FRMPD4: variants seen among roughly 807,000 people sequenced by gnomAD.
The protein encoded by FRMPD4 is FERM and PDZ domain-containing protein 4.
Under a neutral mutation model 94.1 loss-of-function variants are expected in FRMPD4, and 22 were observed. The ratio of observed to expected loss-of-function variants is 0.23; its 90% CI spans 0.17 to 0.33. The LOEUF (loss-of-function observed/expected upper bound fraction) is 0.33, where lower values mean the gene tolerates loss of function less well. FRMPD4 is among the 10% of genes least tolerant of loss of function. FRMPD4 has a pLI of 1.00. For missense variants in FRMPD4, 1,111 were observed against 1,339.9 expected, an observed-to-expected ratio of 0.83 and a Z score of 2.67; for synonymous variants, 631 against 548.6, an observed-to-expected ratio of 1.15 and a Z score of -2.10.
At chrX:12,201,707 C>T (rs1337576857) in intron 1 of FRMPD4, among the ~76,000 whole-genome samples, 1 of 111,892 alleles carries the variant, frequency 8.9e-6, no homozygotes, top group Non-Finnish European at 1.9e-5. Flanking sequence ...GGGAGAAGGA[C>T]AGTGTCTGTG....
intron 1 of FRMPD4, among the ~76,000 whole-genome samples, chrX:12,368,876 C>T (rs2056122953): frequency 9.0e-6 from 1 of 111,707 alleles, no homozygotes; most frequent in Non-Finnish European, 1.9e-5. Context: ...GAGACTCTGT[C>T]TCAACAAAAA....
intron 3 of FRMPD4, among the ~76,000 whole-genome samples, chrX:12,087,826 A>G (rs2055123540): frequency 8.9e-6 from 1 of 112,402 alleles, no homozygotes. Flanking sequence ...TACCACATAC[A>G]TATAGTTTGA....
At chrX:12,005,168 TG>T (rs1384514142) in intron 3 of FRMPD4, among the ~76,000 whole-genome samples, 1 of 110,472 alleles carries the variant, frequency 9.1e-6, no homozygotes, top group Non-Finnish European at 1.9e-5. Flanking sequence ...CAGTCTGAAG[TG>T]GGGCTTCTCA....
chrX:12,718,797 C>T lies in FRMPD4; in HGVS notation c.3964+7C>T. The T allele has an allele frequency of 9.0e-7, 1 of 1,113,024 alleles. No homozygotes were observed. Among genetic ancestry groups the T allele is most frequent in the Non-Finnish European group, 1.2e-6 (1 of 809,746 alleles). 91.7% of individuals were successfully genotyped at this position (1,113,024 alleles called of 1,213,427 possible). A position where few individuals can be genotyped will look rare whatever the true frequency, so the allele number is the denominator to read the frequency against. ...AAGATTAAGGAAACCACAGGTACAGCAATGATGGATTTAGCACTTTGTATG... is the reference window on the plus strand; with the variant it reads ...AAGATTAAGGAAACCACAGGTACAGTAATGATGGATTTAGCACTTTGTATG... On this transcript the variant is annotated splice_region_variant and intron_variant, in intron 16 of 16. Transcript: ENST00000675598.
intron 1 of FRMPD4, among the ~76,000 whole-genome samples, chrX:11,863,967 T>A (rs2053703956): frequency 8.9e-6 from 1 of 111,968 alleles, no homozygotes; most frequent in Non-Finnish European, 1.9e-5. Flanking sequence ...TTGTATGTTG[T>A]TTGCCTGTTA....
At chrX:12,502,563 T>A (rs2057933855) in intron 2 of FRMPD4, among the ~76,000 whole-genome samples, 1 of 111,515 alleles carries the variant, frequency 9.0e-6, no homozygotes, top group South Asian at 3.8e-4. Context: ...AGGTGATTGT[T>A]ACAATAACAG....
intron 1 of FRMPD4, among the ~76,000 whole-genome samples, chrX:12,385,207 C>T (rs950908513): frequency 7.1e-5 from 8 of 112,825 alleles, no homozygotes; most frequent in African/African-American, 2.6e-4. Context: ...AGACACTGGG[C>T]TAGAAGTCGG....
In FRMPD4 at chrX:11,897,212, G is replaced by A. The variant is rs767337361; in HGVS notation, c.95+19194G>A. 6.4e-5 allele frequency among the ~76,000 whole-genome samples: 7 copies of A among 108,545 alleles called. No homozygotes were observed. The South Asian group carries it at 2.8e-3, about 43-fold the overall frequency. The allele number at this position is 108,545 out of a possible 115,157, so 94.3% of individuals were successfully genotyped here. ...AGCAAAACAAGCCAGGCACAAAAGA[G>A]TACATTTAATATGATTCCATTTACA... is the stretch of plus-strand genomic sequence containing the variant. On this transcript the variant is annotated intron_variant, in intron 3 of 18. Coordinates refer to the FRMPD4 transcript ENST00000640291.
At chrX:12,439,076 T>C (rs12843028) in intron 1 of FRMPD4, among the ~76,000 whole-genome samples, 30,427 of 110,414 alleles carry the variant, frequency 0.28, 3,212 homozygotes, top group South Asian at 0.34. Context: ...GAGTTGTTCA[T>C]TGTCCAGTAT....
At chrX:11,824,772 G>A (rs940734212) in intron 1 of FRMPD4, among the ~76,000 whole-genome samples, 10 of 111,282 alleles carry the variant, frequency 9.0e-5, no homozygotes, top group Non-Finnish European at 1.9e-5. Context: ...TTGAAAGCCA[G>A]AGGTGGAGTG....
At chrX:12,543,166 G>A (rs1337654608) in intron 2 of FRMPD4, among the ~76,000 whole-genome samples, 2 of 109,813 alleles carry the variant, frequency 1.8e-5, no homozygotes, top group Non-Finnish European at 3.8e-5. Flanking sequence ...TACCATTCAG[G>A]ACATAGGCAT....
At chrX:12,081,024 C>G (rs1008487741) in intron 3 of FRMPD4, among the ~76,000 whole-genome samples, 6 of 111,965 alleles carry the variant, frequency 5.4e-5, no homozygotes, top group African/African-American at 1.9e-4. Context: ...CACAGCAAAT[C>G]TTTCCTTGCT....
At chrX:11,929,874 G>A (rs1172612201) in intron 3 of FRMPD4, among the ~76,000 whole-genome samples, 2 of 109,906 alleles carry the variant, frequency 1.8e-5, no homozygotes, top group African/African-American at 3.3e-5. Flanking sequence ...TTGGGAGGCC[G>A]AGGCTGGTGT....
chrX:12,034,708 C>T (rs1162671769), intron 3 of FRMPD4, among the ~76,000 whole-genome samples: 1 of 111,920 alleles, frequency 8.9e-6, no homozygotes, highest in Admixed American at 9.5e-5. Context: ...TCTAACCATT[C>T]AAGAATTGGA....
intron 1 of FRMPD4, among the ~76,000 whole-genome samples, chrX:11,853,652 C>T (rs1443136236): frequency 9.0e-6 from 1 of 111,409 alleles, no homozygotes; most frequent in Admixed American, 9.5e-5. Flanking sequence ...TACCTGGACA[C>T]TTACACCCTC....
chrX:12,156,664 C>T (rs903152115), intron 1 of FRMPD4, among the ~76,000 whole-genome samples: 2 of 111,860 alleles, frequency 1.8e-5, no homozygotes, highest in Non-Finnish European at 3.8e-5. Flanking sequence ...CTTCAACAAG[C>T]ATGTACTAAT....
chrX:12,112,711 T>G (rs1385804679), intron 3 of FRMPD4, among the ~76,000 whole-genome samples: 1 of 111,881 alleles, frequency 8.9e-6, no homozygotes, highest in African/African-American at 3.2e-5. Flanking sequence ...TTTGATTAAA[T>G]ATAAAATATA....
intron 3 of FRMPD4, among the ~76,000 whole-genome samples, chrX:12,039,807 T>C (rs1038010943): frequency 9.2e-6 from 1 of 108,687 alleles, no homozygotes; most frequent in Non-Finnish European, 1.9e-5. Flanking sequence ...CCATCTCTAC[T>C]AAAAATACAA....
chrX:12,348,589 G>GAAA lies in FRMPD4; in HGVS notation c.42-150073_42-150071dup, dbSNP rs35385075. On this transcript the variant is annotated intron_variant, in intron 1 of 16. Transcript: ENST00000675598. ...CAAATGCTGAAGGAAATGCTTCCAG[G>GAAA]AAAAAAAAAAAAAAAAAAAAGTGGA... Among the ~76,000 whole-genome samples, 104 of 66,063 alleles carry GAAA rather than the reference G, an allele frequency of 1.6e-3. 2 individuals carry two copies. The highest frequency in any genetic ancestry group is 5.1e-3 in the African/African-American group (91 of 17,786). 57.4% of individuals were successfully genotyped at this position (66,063 alleles called of 115,157 possible).
Sources: allele counts gnomAD v4.1 joint callset (sites outside exome capture counted in the v4.1 genomes callset), GRCh38; gene constraint gnomAD v4.1.1; transcripts MANE v1.5; gene names NCBI Gene and HGNC (gene_info 2026-07-23, HGNC 2026-07-21).